Variants in STARD8 observed in about 807,000 individuals in gnomAD.
STARD8 encodes StAR related lipid transfer domain containing 8.
In STARD8, 25 loss-of-function variants were observed where a neutral mutation model predicts 69.4. The observed-to-expected ratio is 0.36, with a 90% CI of 0.26 to 0.50. The LOEUF is 0.50. Ranked by LOEUF, STARD8 falls within the 20% of genes least tolerant of loss-of-function variation. STARD8 has a pLI of 0.96. For missense variants in STARD8, 921 were observed against 932.5 expected, an observed-to-expected ratio of 0.99 and a Z score of 0.16; for synonymous variants, 389 against 374.6, an observed-to-expected ratio of 1.04 and a Z score of -0.45.
intron 2 of STARD8, among the ~76,000 whole-genome samples, chrX:68,668,077 C>CTT (rs2079696768): frequency 1.1e-5 from 1 of 90,453 alleles, no homozygotes; most frequent in Non-Finnish European, 2.2e-5. Context: ...TTCTTTCTTT[C>CTT]TTTCTTTCTT....
intron 6 of STARD8, 42 bp downstream of exon 6, chrX:68,718,671 G>A (rs746498547): frequency 8.8e-7 from 1 of 1,133,419 alleles, no homozygotes. Context: ...AGGGTCTCCT[G>A]TTCTCTCTCT....
rs370985430 is a variant in STARD8 at position 68,689,991 on chromosome X, A to AGTTTTGTTTT, written c.80-22898_80-22889dup. On this transcript the variant is annotated intron_variant, in intron 2 of 14. Transcript: ENST00000374599. ...CTCCTATGGCCATGGCTCCTCAGGA[A>AGTTTTGTTTT]GTTTTGTTTTGTTTTGTTTTGTTTT... 6.6e-4 allele frequency among the ~76,000 whole-genome samples: 71 copies of AGTTTTGTTTT among 107,831 alleles called. 1 individual carries two copies. Among genetic ancestry groups the AGTTTTGTTTT allele is most frequent in the African/African-American group, 2.2e-3 (64 of 28,693 alleles). The allele number at this position is 107,831 out of a possible 115,157, so 93.6% of individuals were successfully genotyped here.
chrX:68,723,518 C>A, intron 12 of STARD8, 108 bp from the exon 13 acceptor site: 1 of 683,487 alleles, frequency 1.5e-6, no homozygotes, highest in Non-Finnish European at 2.1e-6. Context: ...GCTCTGCAGC[C>A]TACCCTATTA....
intron 2 of STARD8, among the ~76,000 whole-genome samples, chrX:68,702,372 A>G (rs1172253161): frequency 8.9e-6 from 1 of 112,169 alleles, no homozygotes; most frequent in Non-Finnish European, 1.9e-5. Flanking sequence ...GTAGTCCAAC[A>G]GAAGCTACAT....
intron 2 of STARD8, among the ~76,000 whole-genome samples, chrX:68,670,292 A>G (rs1388872749): frequency 7.2e-5 from 8 of 111,573 alleles, no homozygotes; most frequent in Admixed American, 6.7e-4. Flanking sequence ...AGAATGTTGA[A>G]CTAGAGGGTC....
intron 2 of STARD8, among the ~76,000 whole-genome samples, chrX:68,678,473 G>C (rs1256429318): frequency 8.9e-6 from 1 of 112,064 alleles, no homozygotes. Flanking sequence ...CCCATGTGGG[G>C]CATCCAGCTA....
intron 1 of STARD8, among the ~76,000 whole-genome samples, chrX:68,654,209 A>T (rs2147871643): frequency 8.9e-6 from 1 of 111,986 alleles, no homozygotes; most frequent in Admixed American, 9.4e-5. Context: ...AGAGGGCATC[A>T]GGACACAGCG....
intron 1 of STARD8, among the ~76,000 whole-genome samples, chrX:68,663,377 G>A (rs961648235): frequency 8.9e-6 from 1 of 111,835 alleles, no homozygotes; most frequent in African/African-American, 3.3e-5. Context: ...CATTTACCTT[G>A]ACCTTGAGCA....
At chrX:68,722,976 G>A (rs777891900) in intron 12 of STARD8, among the ~76,000 whole-genome samples, 18 of 112,459 alleles carry the variant, frequency 1.6e-4, no homozygotes, top group African/African-American at 6.5e-5. Context: ...ACCTTTGTGC[G>A]GTCCTGCTGC....
intron 2 of STARD8, among the ~76,000 whole-genome samples, chrX:68,668,099 T>G (rs867470764): frequency 1.0e-3 from 99 of 98,605 alleles, no homozygotes; most frequent in Middle Eastern, 5.1e-3. Context: ...CTTTCTTTCT[T>G]TCTTTCTTTC....
chrX:68,670,524 A>C (rs1174192992), intron 2 of STARD8, among the ~76,000 whole-genome samples: 2 of 111,090 alleles, frequency 1.8e-5, no homozygotes, highest in Non-Finnish European at 3.8e-5. Context: ...GCAAGACAGA[A>C]TTAGGTCTAG....
rs1188913120 is a variant in STARD8 at position 68,724,979 on chromosome X, TG to T, written c.*558del. The T allele has an allele frequency of 8.9e-6, 1 of 112,368 alleles. No individual in the cohort carries two copies. The highest frequency in any genetic ancestry group is 3.2e-5 in the African/African-American group (1 of 30,844). 9.3% of individuals were successfully genotyped at this position (112,368 alleles called of 1,213,427 possible). ...CAGGGCAGCCCCAGTCACCACGAGC[TG>T]TTTCATTTGTGTAAATACGATGCTG... On this transcript the variant is annotated 3_prime_UTR_variant, in exon 15 of 15. Coordinates refer to ENST00000374599, the MANE Select transcript of STARD8 (RefSeq NM_001142503.3).
At chrX:68,712,599 C>G (rs2080059533) in intron 2 of STARD8, among the ~76,000 whole-genome samples, 1 of 112,114 alleles carries the variant, frequency 8.9e-6, no homozygotes, top group Non-Finnish European at 1.9e-5. Flanking sequence ...CAGCAGGCCT[C>G]CTTGACCCCA....
intron 1 of STARD8, among the ~76,000 whole-genome samples, chrX:68,652,018 T>G (rs901662683): frequency 9.5e-4 from 103 of 108,274 alleles, no homozygotes; most frequent in African/African-American, 3.4e-3. Context: ...CAGCTAATTT[T>G]TTTTTTTTTT....
At chrX:68,689,765 C>G (rs2079862463) in intron 2 of STARD8, among the ~76,000 whole-genome samples, 1 of 111,490 alleles carries the variant, frequency 9.0e-6, no homozygotes, top group Non-Finnish European at 1.9e-5. Context: ...AGGCTGGAGG[C>G]AACCGTGATA....
At chrX:68,672,626 A>T (rs2079735688) in intron 2 of STARD8, among the ~76,000 whole-genome samples, 1 of 111,327 alleles carries the variant, frequency 9.0e-6, no homozygotes, top group African/African-American at 3.3e-5. Context: ...CTGGTGTCAG[A>T]AGCAGAGCCG....
intron 2 of STARD8, among the ~76,000 whole-genome samples, chrX:68,676,272 GCCT>G (rs755247483): frequency 1.1e-4 from 12 of 111,734 alleles, no homozygotes; most frequent in African/African-American, 3.3e-4. Flanking sequence ...GGCCCGGCTC[GCCT>G]GAAAATCTCA....
chrX:68,647,962 CT>C lies in STARD8; in HGVS notation c.45+36del, dbSNP rs200104861. ...TGGCCAGCCCCAGCCCATCCCGCTG[CT>C]CAGGGGGGAAGGAGGCAGATGTGGA... On this transcript the variant is annotated intron_variant, in intron 1 of 14. Coordinates refer to ENST00000374599, the MANE Select transcript of STARD8 (RefSeq NM_001142503.3). 1,052 of 1,183,204 alleles carry C rather than the reference CT, an allele frequency of 8.9e-4. 15 individuals carry two copies. In the East Asian group the frequency reaches 0.026, roughly 29 times the overall value.
Position 68,717,706 on chromosome X carries a change from C to A in STARD8, c.792C>A (p.Ala264=). ...TTTACAGGGCCAAGAACTGGGCCGC[C>A]ACCTCAGCCGGTGGCAGTGGTGCCA... ...AGFYRAKNWA[A]TSAGGSGANT... Residue 264 remains alanine (A), a synonymous_variant, in exon 6 of 15, where the codon GCC becomes GCA. Transcript: ENST00000374599. 1 of 1,212,262 alleles carries A rather than the reference C, an allele frequency of 8.2e-7. No homozygotes were observed. The highest frequency in any genetic ancestry group is 1.7e-5 in the African/African-American group (1 of 57,980).
Sources: allele counts gnomAD v4.1 joint callset (sites outside exome capture counted in the v4.1 genomes callset), GRCh38; gene constraint gnomAD v4.1.1; transcripts MANE v1.5; gene names NCBI Gene and HGNC (gene_info 2026-07-23, HGNC 2026-07-21).